The following TRIM42 variants were observed in gnomAD, a reference collection of about 807,000 sequenced individuals.
TRIM42 encodes the protein tripartite motif containing 42.
In TRIM42, 59 loss-of-function variants were observed where a neutral mutation model predicts 64.9. The observed-to-expected ratio is 0.91, with a 90% CI of 0.74 to 1.13. The LOEUF is 1.13. Among genes scored for constraint, TRIM42 ranks in the 50% most tolerant of loss-of-function variants. The probability of loss-of-function intolerance (pLI) is 0.00; values close to 1 mark genes in which losing one functional copy is unlikely to be tolerated. For missense variants in TRIM42, 878 were observed against 929.5 expected, an observed-to-expected ratio of 0.94 and a Z score of 0.72; for synonymous variants, 354 against 346.3, an observed-to-expected ratio of 1.02 and a Z score of -0.25.
chr3:140,694,309 T>G (rs1015971804), intron 4 of TRIM42, among the ~76,000 whole-genome samples: 2 of 152,218 alleles, frequency 1.3e-5, no homozygotes, highest in African/African-American at 4.8e-5. Context: ...GGATAGGTGT[T>G]GGTCTTACAC....
rs1248154595 is a variant in TRIM42, at chr3:140,678,123, G to C, written c.-107G>C. On this transcript the variant is annotated 5_prime_UTR_variant, in exon 1 of 5. Coordinates refer to ENST00000286349, the MANE Select transcript of TRIM42 (RefSeq NM_152616.5). The stretch of plus-strand genomic sequence containing the variant: ...ACTTCTTGCAACTTTCAAGCTGACG[G>C]CCTCAGGAATGGGAGGAAGGACTCC... 2 of 1,034,856 alleles carry C rather than the reference G, an allele frequency of 1.9e-6. No individual in the cohort carries two copies. The highest frequency in any genetic ancestry group is 4.8e-5 in the East Asian group (2 of 41,858). 64.1% of individuals were successfully genotyped at this position (1,034,856 alleles called of 1,614,324 possible).
At chr3:140,681,794 G>A (rs532279238) in intron 1 of TRIM42, among the ~76,000 whole-genome samples, 6 of 151,974 alleles carry the variant, frequency 3.9e-5, no homozygotes, top group East Asian at 1.9e-4. Flanking sequence ...GTAAGGACAC[G>A]GGAGTAAATC....
In TRIM42 at chr3:140,683,050, C is replaced by T. The variant is rs746192271; in HGVS notation, c.930C>T (p.Cys310=). The T allele has an allele frequency of 3.1e-6, 5 of 1,614,218 alleles. No individual in the cohort carries two copies. In the South Asian group the frequency reaches 5.5e-5, roughly 18 times the overall value. ...GCCGCAATGACAACAAATTGCTCTG[C>T]ACCTTCTGCAAGTTCTCTTTCCACA... ...EYCRNDNKLL[C]TFCKFSFHNG... is the part of the protein sequence containing the mutation. Residue 310 remains cysteine, a synonymous_variant, in exon 2 of 5, where the codon TGC becomes TGT. Transcript: ENST00000286349.
chr3:140,693,966 A>G, intron 4 of TRIM42, among the ~76,000 whole-genome samples: 1 of 152,220 alleles, frequency 6.6e-6, no homozygotes, highest in East Asian at 1.9e-4. Context: ...CAGATAAGAA[A>G]AATGAGGCTG....
At chr3:140,692,588 GAGAGGTCAAACCTGGC>G (rs1988750838) in intron 4 of TRIM42, among the ~76,000 whole-genome samples, 1 of 146,070 alleles carries the variant, frequency 6.8e-6, no homozygotes, top group Admixed American at 6.9e-5. Flanking sequence ...GAGAGAGAGA[GAGAGGTCAAACCTGGC>G]ACAGGAAGGA....
rs557923304 is a variant in TRIM42, at chr3:140,686,652, G to A, written c.1040-1070G>A. Among the ~76,000 whole-genome samples, 3 of 152,204 alleles carry A rather than the reference G, an allele frequency of 2.0e-5. No individual in the cohort carries two copies. In the East Asian group the frequency reaches 5.8e-4, roughly 29 times the overall value. The stretch of plus-strand genomic sequence containing the variant: ...AACCCAGGATAATGTTATGAACCAA[G>A]TGCAAAAATAGCTAGTCATCCCCAC... On this transcript the variant is annotated intron_variant, in intron 2 of 4. Coordinates refer to ENST00000286349, the MANE Select transcript of TRIM42 (RefSeq NM_152616.5).
chr3:140,687,769 A>C lies in TRIM42; in HGVS notation c.1087A>C (p.Asn363His), dbSNP rs1178809818. The change falls in exon 3 of 5, where the codon AAC becomes CAC. Residue 363 changes from asparagine (N) to histidine (H), a missense_variant. Transcript: ENST00000286349. ...NDLMEFNILK[N>H]SFKADKEAKR... ...CCTAATGGAATTCAACATCTTAAAAAACAGCTTTAAAGCTGACAAGGAGGC... is the reference window on the plus strand; with the variant it reads ...CCTAATGGAATTCAACATCTTAAAACACAGCTTTAAAGCTGACAAGGAGGC... The C allele has an allele frequency of 6.2e-7, 1 of 1,613,526 alleles. No homozygotes were observed. The highest frequency in any genetic ancestry group is 8.5e-7 in the Non-Finnish European group (1 of 1,179,926).
chr3:140,690,384 C>A (rs1576419545), intron 3 of TRIM42, among the ~76,000 whole-genome samples: 1 of 151,226 alleles, frequency 6.6e-6, no homozygotes, highest in Non-Finnish European at 1.5e-5. Flanking sequence ...AAATTAGAAA[C>A]AACATAAATG....
chr3:140,682,606 C>A lies in TRIM42; in HGVS notation c.486C>A (p.Asn162Lys). ...LRLHSFMLPCNHSLCEKCLRQ... is the reference protein window; with the variant it reads ...LRLHSFMLPCKHSLCEKCLRQ... ...TGCACTCATTCATGCTGCCCTGCAA[C>A]CACAGCCTGTGCGAGAAGTGCCTGC... Residue 162 changes from asparagine to lysine, a missense_variant, in exon 2 of 5, where the codon AAC becomes AAA. Coordinates refer to ENST00000286349, the MANE Select transcript of TRIM42 (RefSeq NM_152616.5). 1 of 1,614,242 alleles carries A rather than the reference C, an allele frequency of 6.2e-7. No homozygotes were observed. Among genetic ancestry groups the A allele is most frequent in the Non-Finnish European group, 8.5e-7 (1 of 1,180,048 alleles).
intron 2 of TRIM42, among the ~76,000 whole-genome samples, chr3:140,686,029 A>C (rs1419375059): frequency 6.6e-6 from 1 of 152,134 alleles, no homozygotes; most frequent in East Asian, 1.9e-4. Context: ...ATATTTGCAG[A>C]GGTTTGGGGT....
At position 140,683,146 on chromosome 3, in the gene TRIM42, C is replaced by A. The variant is rs1410296433; in HGVS notation, c.1026C>A (p.Ala342=). 1.9e-6 allele frequency: 3 copies of A among 1,614,018 alleles called. No individual in the cohort carries two copies. The highest frequency in any genetic ancestry group is 1.7e-6 in the Non-Finnish European group (2 of 1,179,972). Residue 342 remains alanine (A), a synonymous_variant, in exon 2 of 5, where the codon GCC becomes GCA. Coordinates refer to ENST00000286349, the MANE Select transcript of TRIM42 (RefSeq NM_152616.5). ...ERAASLFSAI[A]KFKAVRYEID... is the part of the protein sequence containing the mutation. ...CCGCCTCACTCTTCAGCGCCATCGC[C>A]AAGTTCAAAGCAGGTCCTCCCCTTT...
chr3:140,695,479 T>C (rs1988823969), intron 4 of TRIM42, among the ~76,000 whole-genome samples: 1 of 152,058 alleles, frequency 6.6e-6, no homozygotes, highest in Non-Finnish European at 1.5e-5. Flanking sequence ...CCCTGTTAGC[T>C]CTTCAGGAAA....
chr3:140,700,857 G>T, intron 4 of TRIM42, 31 bp from the exon 5 acceptor site: 2 of 1,604,796 alleles, frequency 1.2e-6, no homozygotes, highest in Non-Finnish European at 8.5e-7. Flanking sequence ...GTTGTCTATT[G>T]GGTGTCATGA....
At chr3:140,680,122 T>C (rs947334978) in intron 1 of TRIM42, among the ~76,000 whole-genome samples, 3 of 152,000 alleles carry the variant, frequency 2.0e-5, no homozygotes, top group Non-Finnish European at 4.4e-5. Context: ...AGCAAGAAGA[T>C]AAAAGCGCTG....
At position 140,681,647 on chromosome 3, in the gene TRIM42, G is replaced by GAA. The variant is rs5852991; in HGVS notation, c.342-806_342-805dup. Among the ~76,000 whole-genome samples the GAA allele has an allele frequency of 4.2e-3, 626 of 149,362 alleles. 4 individuals are homozygous for GAA. Among genetic ancestry groups the GAA allele is most frequent in the African/African-American group, 0.013 (535 of 40,640 alleles). ...AATAAATAATGTCAATGTCCTCCAGGAAAAAAAAAACACTGAGAACACACC... is the reference window on the plus strand; with the variant it reads ...AATAAATAATGTCAATGTCCTCCAGGAAAAAAAAAAAACACTGAGAACACACC... On this transcript the variant is annotated intron_variant, in intron 1 of 4. Coordinates refer to ENST00000286349, the MANE Select transcript of TRIM42 (RefSeq NM_152616.5).
chr3:140,697,632 A>G (rs980801501), intron 4 of TRIM42, among the ~76,000 whole-genome samples: 2 of 152,180 alleles, frequency 1.3e-5, no homozygotes, highest in Admixed American at 6.5e-5. Flanking sequence ...TCTATTATTC[A>G]TATTTATACA....
intron 2 of TRIM42, among the ~76,000 whole-genome samples, chr3:140,683,475 T>G (rs1231675564): frequency 1.3e-5 from 2 of 152,202 alleles, no homozygotes; most frequent in African/African-American, 4.8e-5. Context: ...ATATGACAAG[T>G]GCATAAAGAT....
rs569660970 is a variant in TRIM42, at chr3:140,680,807, A to G, written c.342-1655A>G. ...ATATACACAGGGAGCATTCTCTGTC[A>G]CCACAGGGCCACTCCATTCCAATAT... On this transcript the variant is annotated intron_variant, in intron 1 of 4. Transcript: ENST00000286349. 8.2e-5 allele frequency: 42 copies of G among 510,904 alleles called. No individual in the cohort carries two copies. The South Asian group carries it at 3.3e-3, about 41-fold the overall frequency. The allele number at this position is 510,904 out of a possible 1,614,324, so 31.6% of individuals were successfully genotyped here. A position where few individuals can be genotyped will look rare whatever the true frequency, so the allele number is the denominator to read the frequency against.
At chr3:140,688,789 C>T (rs1206766134) in intron 3 of TRIM42, among the ~76,000 whole-genome samples, 2 of 152,202 alleles carry the variant, frequency 1.3e-5, no homozygotes, top group Non-Finnish European at 2.9e-5. Context: ...TATCTGAAAG[C>T]CCTACCTCCA....
Sources: allele counts gnomAD v4.1 joint callset (sites outside exome capture counted in the v4.1 genomes callset), GRCh38; gene constraint gnomAD v4.1.1; transcripts MANE v1.5; gene names NCBI Gene and HGNC (gene_info 2026-07-23, HGNC 2026-07-21).